The following LARGE1 variants were observed in gnomAD, a reference collection of about 807,000 sequenced individuals.
LARGE1 encodes LARGE xylosyl- and glucuronyltransferase 1.
Under a neutral mutation model 87.6 loss-of-function variants are expected in LARGE1, and 43 were observed. The observed-to-expected ratio is 0.49, with a 90% CI of 0.38 to 0.63. LARGE1 has a LOEUF of 0.63. LARGE1 is among the 30% of genes least tolerant of loss of function. The probability of loss-of-function intolerance (pLI) is 0.00; values close to 1 mark genes in which losing one functional copy is unlikely to be tolerated. For missense variants in LARGE1, 802 were observed against 1,000.2 expected (o/e 0.80, Z 2.67); for synonymous variants, 434 against 394.6 (o/e 1.10, Z -1.18).
chr22:33,636,080 T>A (rs1334355453), intron 3 of LARGE1, among the ~76,000 whole-genome samples: 2 of 152,168 alleles, frequency 1.3e-5, no homozygotes, highest in Non-Finnish European at 2.9e-5. Flanking sequence ...ATCCTGCATA[T>A]CCCAGTCTGC....
chr22:33,718,654 T>A (rs924112766), intron 2 of LARGE1, among the ~76,000 whole-genome samples: 5 of 152,230 alleles, frequency 3.3e-5, no homozygotes, highest in African/African-American at 1.2e-4. Flanking sequence ...CTAACTCCAA[T>A]CAATGCACGT....
At chr22:33,111,603 G>T in the LARGE1 span, among the ~76,000 whole-genome samples, 1 of 151,990 alleles carries the variant, frequency 6.6e-6, no homozygotes, top group Non-Finnish European at 1.5e-5. Flanking sequence ...ATCTACTGTT[G>T]TTTTTAACCT....
At chr22:33,466,272 T>G (rs961543728) in intron 6 of LARGE1, among the ~76,000 whole-genome samples, 2 of 152,082 alleles carry the variant, frequency 1.3e-5, no homozygotes, top group Non-Finnish European at 2.9e-5. Flanking sequence ...TGTCCCTCTC[T>G]CCGAAGTAGC....
At chr22:33,141,459 G>C in the LARGE1 span, among the ~76,000 whole-genome samples, 1 of 151,864 alleles carries the variant, frequency 6.6e-6, no homozygotes, top group African/African-American at 2.4e-5. Context: ...AAAATTTATG[G>C]CAAAATAATT....
At chr22:33,528,992 T>A (rs980943452) in intron 6 of LARGE1, among the ~76,000 whole-genome samples, 2 of 152,196 alleles carry the variant, frequency 1.3e-5, no homozygotes, top group Admixed American at 6.5e-5. Context: ...ATCAGCCTCA[T>A]CTTTTATAGG....
the LARGE1 span, among the ~76,000 whole-genome samples, chr22:33,078,644 T>C: frequency 6.6e-6 from 1 of 152,250 alleles, no homozygotes; most frequent in African/African-American, 2.4e-5. Flanking sequence ...TATGTACTCA[T>C]GTTTTTTGAA....
intron 1 of LARGE1, among the ~76,000 whole-genome samples, chr22:33,798,823 C>T (rs537209198): frequency 1.7e-4 from 26 of 152,284 alleles, no homozygotes; most frequent in Admixed American, 3.3e-4. Context: ...ATCTTTCATC[C>T]GGAGGAATCC....
At chr22:33,284,079 G>T (rs1266950096) in intron 12 of LARGE1, among the ~76,000 whole-genome samples, 1 of 152,102 alleles carries the variant, frequency 6.6e-6, no homozygotes, top group African/African-American at 2.4e-5. Flanking sequence ...ACAGAGGGCA[G>T]ACCAGACTGA....
At chr22:33,791,876 G>C (rs11703278) in intron 1 of LARGE1, among the ~76,000 whole-genome samples, 29,276 of 152,100 alleles carry the variant, frequency 0.19, 3,382 homozygotes, top group Admixed American at 0.33. Flanking sequence ...AAGGGAAAAA[G>C]AAATTTTTAT....
At chr22:33,323,965 C>T (rs1487619002) in intron 10 of LARGE1, among the ~76,000 whole-genome samples, 1 of 152,164 alleles carries the variant, frequency 6.6e-6, no homozygotes, top group East Asian at 1.9e-4. Flanking sequence ...GATGCGGTGG[C>T]TCACGCCTAT....
intron 7 of LARGE1, among the ~76,000 whole-genome samples, chr22:33,411,741 C>T (rs2066311130): frequency 6.6e-6 from 1 of 152,070 alleles, no homozygotes; most frequent in Non-Finnish European, 1.5e-5. Context: ...AGCTAAAATA[C>T]CAACTCATAA....
the LARGE1 span, among the ~76,000 whole-genome samples, chr22:33,071,030 TA>T: frequency 6.6e-6 from 1 of 151,916 alleles, no homozygotes; most frequent in Non-Finnish European, 1.5e-5. Flanking sequence ...TTAAAAAAAA[TA>T]AAAAAAGCCA....
intron 1 of LARGE1, among the ~76,000 whole-genome samples, chr22:33,842,944 A>AAAACAAAAC (rs1231704770): frequency 7.7e-6 from 1 of 130,654 alleles, no homozygotes; most frequent in African/African-American, 4.6e-5. Context: ...AAAACAAAAC[A>AAAACAAAAC]AAACAAAACA....
At chr22:33,501,403 T>A (rs1246005172) in intron 6 of LARGE1, among the ~76,000 whole-genome samples, 2 of 152,072 alleles carry the variant, frequency 1.3e-5, no homozygotes, top group East Asian at 1.9e-4. Context: ...CTAGGGGGCA[T>A]GAATCTGGAC....
chr22:33,376,902 C>T (rs552566629), intron 9 of LARGE1, among the ~76,000 whole-genome samples: 20 of 152,254 alleles, frequency 1.3e-4, no homozygotes, highest in African/African-American at 4.8e-4. Context: ...AGGAGCACCC[C>T]ACTTAAACTT....
At chr22:33,391,614 G>C (rs1258331919) in intron 7 of LARGE1, among the ~76,000 whole-genome samples, 1 of 152,038 alleles carries the variant, frequency 6.6e-6, no homozygotes, top group Non-Finnish European at 1.5e-5. Context: ...CACCACATCT[G>C]AACTGCAGAC....
intron 1 of LARGE1, among the ~76,000 whole-genome samples, chr22:33,894,528 T>C (rs1424109990): frequency 1.3e-5 from 2 of 152,198 alleles, no homozygotes; most frequent in African/African-American, 2.4e-5. Flanking sequence ...TCCATCAGAA[T>C]GAATTATCAG....
intron 7 of LARGE1, among the ~76,000 whole-genome samples, chr22:33,410,900 G>C (rs2066285031): frequency 6.6e-6 from 1 of 152,140 alleles, no homozygotes; most frequent in South Asian, 2.1e-4. Flanking sequence ...TCAAATCTAA[G>C]CAATTAGTAC....
intron 9 of LARGE1, among the ~76,000 whole-genome samples, chr22:33,362,656 T>C (rs1223179271): frequency 4.0e-5 from 6 of 150,114 alleles, no homozygotes; most frequent in Non-Finnish European, 5.9e-5. Context: ...TTCTATCTTG[T>C]GTTTCTAATG....
Sources: gnomAD v4.1 joint callset for allele counts (sites outside exome capture counted in the v4.1 genomes callset) on GRCh38, gnomAD v4.1.1 for gene constraint, MANE v1.5 for transcripts, NCBI Gene and HGNC (gene_info 2026-07-23, HGNC 2026-07-21) for gene names.